The following FAT3 variants were observed in gnomAD, a reference collection of about 807,000 sequenced individuals.
FAT3 encodes the protein protocadherin Fat 3.
Under a neutral mutation model 310.2 loss-of-function variants are expected in FAT3, and 95 were observed. That is an observed-to-expected ratio of 0.31 (90% CI 0.26 to 0.36). FAT3 has a LOEUF of 0.36. FAT3 is among the 10% of genes least tolerant of loss of function. FAT3 has a pLI of 1.00. For missense variants in FAT3, 5,408 were observed against 5,715.6 expected (o/e 0.95, Z 1.74); for synonymous variants, 2,314 against 2,192.9 (o/e 1.06, Z -1.54).
chr11:92,746,620 A>G (rs941600326), intron 4 of FAT3, among the ~76,000 whole-genome samples: 4 of 152,140 alleles, frequency 2.6e-5, no homozygotes, highest in Non-Finnish European at 4.4e-5. Flanking sequence ...AATTAACTCA[A>G]AAGTCCACAG....
rs1949726936 is a variant in FAT3, at chr11:92,883,546, A to ACCTT, written c.12937+153_12937+154insCCTT. 6.6e-6 allele frequency among the ~76,000 whole-genome samples: 1 copy of ACCTT among 152,092 alleles called. No homozygotes were observed. Among genetic ancestry groups the ACCTT allele is most frequent in the Non-Finnish European group, 1.5e-5 (1 of 68,014 alleles). On this transcript the variant is annotated intron_variant, in intron 24 of 27. Coordinates refer to ENST00000525166, the MANE Select transcript of FAT3 (RefSeq NM_001367949.2). The surrounding 1 kb of genome is among the most constrained non-coding windows in gnomAD (Gnocchi z 4.2). The stretch of plus-strand genomic sequence containing the variant: ...TCGAATGTGCACACCAGCTCTGGAA[A>ACCTT]ATTGTCCTGGTTCTGGTTCCCATTT...
At position 92,805,269 on chromosome 11, in the gene FAT3, A is replaced by G; in HGVS notation, c.9013A>G (p.Thr3005Ala). The G allele has an allele frequency of 6.2e-7, 1 of 1,613,882 alleles. No individual in the cohort carries two copies. Among genetic ancestry groups the G allele is most frequent in the Non-Finnish European group, 8.5e-7 (1 of 1,179,832 alleles). Residue 3005 changes from threonine to alanine, a missense_variant, in exon 11 of 28, where the codon ACT (threonine) becomes GCT (alanine). Transcript: ENST00000525166. The stretch of plus-strand genomic sequence containing the variant: ...CATTTACTTTCTCAATATCACTGCC[A>G]CTGATGGGCTTTTTGTCACACAGGC... ...QDIYFLNITA[T>A]DGLFVTQAMV...
intron 3 of FAT3, among the ~76,000 whole-genome samples, chr11:92,631,412 G>A (rs1285870490): frequency 6.6e-6 from 1 of 152,130 alleles, no homozygotes; most frequent in Non-Finnish European, 1.5e-5. Flanking sequence ...TAATCCCCAG[G>A]TGTTGAGGGA....
intron 2 of FAT3, among the ~76,000 whole-genome samples, chr11:92,488,685 C>T (rs1481659910): frequency 1.3e-5 from 2 of 152,004 alleles, no homozygotes; most frequent in African/African-American, 4.8e-5. Flanking sequence ...GGATTAACTT[C>T]TGATCTCTCT....
chr11:92,863,118 T>C (rs1204399603), intron 21 of FAT3, among the ~76,000 whole-genome samples: 1 of 152,110 alleles, frequency 6.6e-6, no homozygotes, highest in East Asian at 1.9e-4. Flanking sequence ...TGTTTGTGGG[T>C]TTTTTTGTTT....
intron 3 of FAT3, among the ~76,000 whole-genome samples, chr11:92,595,556 T>C (rs1212182826): frequency 6.6e-6 from 1 of 152,182 alleles, no homozygotes; most frequent in Non-Finnish European, 1.5e-5. Flanking sequence ...AATTTGGTCT[T>C]TCTTTGATTG....
At position 92,799,694 on chromosome 11, in the gene FAT3, T is replaced by A. The variant is rs1458092140; in HGVS notation, c.6681T>A (p.Pro2227=). The A allele has an allele frequency of 6.2e-7, 1 of 1,613,024 alleles. No individual in the cohort carries two copies. The highest frequency in any genetic ancestry group is 8.5e-7 in the Non-Finnish European group (1 of 1,179,552). The change falls in exon 10 of 28, where the codon CCT becomes CCA. Residue 2227 remains proline, a synonymous_variant. Coordinates refer to ENST00000525166, the MANE Select transcript of FAT3 (RefSeq NM_001367949.2). ...TATATATCATTATCGATGGGGACCCTTTTAAACAGTTTAACATTGACTTTG... is the reference window on the plus strand; with the variant it reads ...TATATATCATTATCGATGGGGACCCATTTAAACAGTTTAACATTGACTTTG... ...GIIYIIIDGD[P]FKQFNIDFDT...
chr11:92,487,822 G>C (rs1454310899), intron 2 of FAT3, among the ~76,000 whole-genome samples: 7 of 152,166 alleles, frequency 4.6e-5, no homozygotes, highest in Admixed American at 4.6e-4. Flanking sequence ...GTCTGGACTA[G>C]TGATTCTCAA....
At chr11:92,671,777 G>C (rs117991994) in intron 3 of FAT3, among the ~76,000 whole-genome samples, 1 of 152,042 alleles carries the variant, frequency 6.6e-6, no homozygotes. Flanking sequence ...TTAGATAATA[G>C]TAGTGGCTTA....
intron 2 of FAT3, among the ~76,000 whole-genome samples, chr11:92,424,303 A>G (rs1950587059): frequency 1.3e-5 from 2 of 152,102 alleles, no homozygotes; most frequent in South Asian, 2.1e-4. Context: ...TGTGAATTAT[A>G]CCTGCTTATT....
At chr11:92,774,656 G>C (rs1316730165) in intron 7 of FAT3, among the ~76,000 whole-genome samples, 2 of 152,150 alleles carry the variant, frequency 1.3e-5, no homozygotes, top group African/African-American at 4.8e-5. Flanking sequence ...TAAAGAAAAA[G>C]GACTGGGATC....
At chr11:92,465,043 G>A (rs1295413815) in intron 2 of FAT3, among the ~76,000 whole-genome samples, 1 of 152,102 alleles carries the variant, frequency 6.6e-6, no homozygotes, top group Non-Finnish European at 1.5e-5. Flanking sequence ...AGCAGCTGCC[G>A]ACGTGATTAT....
intron 2 of FAT3, among the ~76,000 whole-genome samples, chr11:92,490,547 GTTTT>G (rs912997195): frequency 2.6e-5 from 4 of 151,952 alleles, no homozygotes; most frequent in African/African-American, 9.7e-5. Context: ...TTGTTTGTTT[GTTTT>G]GTTTGTCTGC....
intron 2 of FAT3, among the ~76,000 whole-genome samples, chr11:92,413,167 A>G (rs756806225): frequency 6.6e-6 from 1 of 152,198 alleles, no homozygotes; most frequent in Non-Finnish European, 1.5e-5. Context: ...TTCATATGTC[A>G]TATGGATGAA....
chr11:92,724,599 T>A (rs748438029), intron 4 of FAT3, among the ~76,000 whole-genome samples: 23 of 152,220 alleles, frequency 1.5e-4, no homozygotes, highest in Non-Finnish European at 3.1e-4. Context: ...GCTATCCAGT[T>A]TATCCCTTCC....
chr11:92,683,360 C>T (rs1406914496), intron 3 of FAT3, among the ~76,000 whole-genome samples: 1 of 152,170 alleles, frequency 6.6e-6, no homozygotes, highest in Non-Finnish European at 1.5e-5. Flanking sequence ...CTAGGGTTTC[C>T]CCTAAGGTCT....
chr11:92,551,681 G>A (rs1349840555), intron 3 of FAT3, among the ~76,000 whole-genome samples: 1 of 151,998 alleles, frequency 6.6e-6, no homozygotes, highest in Non-Finnish European at 1.5e-5. Context: ...ACACACTATG[G>A]ACTTATTTTG....
At chr11:92,493,078 T>C (rs1952655222) in intron 2 of FAT3, among the ~76,000 whole-genome samples, 1 of 152,132 alleles carries the variant, frequency 6.6e-6, no homozygotes, top group African/African-American at 2.4e-5. Context: ...AATTTATTTT[T>C]ATGCTTTCTT....
intron 3 of FAT3, among the ~76,000 whole-genome samples, chr11:92,553,085 C>T (rs1459644851): frequency 6.6e-6 from 1 of 152,118 alleles, no homozygotes; most frequent in African/African-American, 2.4e-5. Flanking sequence ...GAGCACTTTT[C>T]AGCTTCTTCT....
Sources: allele counts gnomAD v4.1 joint callset (sites outside exome capture counted in the v4.1 genomes callset), GRCh38; gene constraint gnomAD v4.1.1; non-coding constraint Gnocchi (gnomAD v3.1); transcripts MANE v1.5; gene names NCBI Gene and HGNC (gene_info 2026-07-23, HGNC 2026-07-21).